The following KIAA1549L variants were observed in gnomAD, a reference collection of about 807,000 sequenced individuals.
The protein encoded by KIAA1549L is KIAA1549 like.
In KIAA1549L, 88 loss-of-function variants were observed where a neutral mutation model predicts 160.7. The observed-to-expected ratio is 0.55, with a 90% confidence interval of 0.46 to 0.65. The LOEUF is 0.65. Among genes scored for constraint, KIAA1549L ranks in the 30% least tolerant of loss-of-function variants. KIAA1549L has a pLI of 0.00. For synonymous variants in KIAA1549L, 950 were observed against 976.7 expected (o/e 0.97, Z 0.51); for missense variants, 2,258 against 2,437.5 (o/e 0.93, Z 1.55).
rs187735573 is a variant in KIAA1549L at position 33,492,235 on chromosome 11, G to A, written c.239-49567G>A. On this transcript the variant is annotated intron_variant, in intron 1 of 20. Coordinates refer to ENST00000658780, the MANE Select transcript of KIAA1549L (RefSeq NM_012194.3). ...ATACAAAAATTAGCTGGGCATGGTT[G>A]TGTGTGTCTGTAATCCCGGCCACTG... Among the ~76,000 whole-genome samples the A allele has an allele frequency of 9.2e-5, 14 of 152,316 alleles. 1 individual carries two copies. Among genetic ancestry groups the A allele is most frequent in the African/African-American group, 2.6e-4 (11 of 41,576 alleles).
intron 1 of KIAA1549L, among the ~76,000 whole-genome samples, chr11:33,429,215 G>A (rs573680654): frequency 2.0e-5 from 3 of 152,190 alleles, no homozygotes; most frequent in African/African-American, 4.8e-5. Flanking sequence ...CAAGTGATCC[G>A]CCCACCTCGG....
intron 1 of KIAA1549L, among the ~76,000 whole-genome samples, chr11:33,533,138 C>T (rs1022374826): frequency 1.3e-5 from 2 of 152,212 alleles, no homozygotes; most frequent in South Asian, 2.1e-4. Flanking sequence ...GAAGGGGAGC[C>T]AGATCAGTAC....
chr11:33,479,483 T>C (rs1385409161), intron 1 of KIAA1549L, among the ~76,000 whole-genome samples: 1 of 152,204 alleles, frequency 6.6e-6, no homozygotes, highest in Non-Finnish European at 1.5e-5. Context: ...GCAGGAGGTC[T>C]GGGCTGCACA....
chr11:33,636,349 CT>C (rs71034697), intron 16 of KIAA1549L, among the ~76,000 whole-genome samples: 92 of 136,096 alleles, frequency 6.8e-4, no homozygotes, highest in Middle Eastern at 3.7e-3. Flanking sequence ...AATGAATCTT[CT>C]TTTTTTTTTT....
At chr11:33,377,076 A>G (rs1006737936) in intron 1 of KIAA1549L, among the ~76,000 whole-genome samples, 187 bp downstream of exon 1, 2 of 152,194 alleles carry the variant, frequency 1.3e-5, no homozygotes, top group Non-Finnish European at 2.9e-5. Context: ...AGAAAAAAAA[A>G]GGAGCAATCG....
In KIAA1549L at chr11:33,551,271, G is replaced by T; in HGVS notation, c.3721+12G>T. 4 of 1,606,234 alleles carry T rather than the reference G, an allele frequency of 2.5e-6. No individual in the cohort carries two copies. Among genetic ancestry groups the T allele is most frequent in the Non-Finnish European group, 3.4e-6 (4 of 1,175,374 alleles). On this transcript the variant is annotated intron_variant, in intron 5 of 20. Transcript: ENST00000658780. ...CCAGCTAAAAACAGGCAAGTGACTCGGAAGGAAGGGATTTTCATCCATTCT... is the reference window on the plus strand; with the variant it reads ...CCAGCTAAAAACAGGCAAGTGACTCTGAAGGAAGGGATTTTCATCCATTCT...
intron 1 of KIAA1549L, among the ~76,000 whole-genome samples, chr11:33,469,247 C>T (rs1427719943): frequency 6.6e-6 from 1 of 151,976 alleles, no homozygotes; most frequent in African/African-American, 2.4e-5. Flanking sequence ...GTGGATTGGC[C>T]CATTCTGGAC....
At chr11:33,578,670 AC>A (rs1254218237) in intron 10 of KIAA1549L, among the ~76,000 whole-genome samples, 1 of 152,206 alleles carries the variant, frequency 6.6e-6, no homozygotes, top group East Asian at 1.9e-4. Context: ...TCAGGACTGC[AC>A]AGCTTGGTCT....
chr11:33,510,069 A>G (rs557600699), intron 1 of KIAA1549L, among the ~76,000 whole-genome samples: 101 of 152,298 alleles, frequency 6.6e-4, no homozygotes, highest in Non-Finnish European at 1.0e-3. Flanking sequence ...AGAAGCTGCC[A>G]AGGGAGCCTT....
chr11:33,533,154 C>G (rs1853814262), intron 1 of KIAA1549L, among the ~76,000 whole-genome samples: 1 of 152,130 alleles, frequency 6.6e-6, no homozygotes, highest in Admixed American at 6.5e-5. Flanking sequence ...AGTACATGTG[C>G]ACTTCCTTGA....
chr11:33,493,141 C>T (rs1852731006), intron 1 of KIAA1549L, among the ~76,000 whole-genome samples: 1 of 152,006 alleles, frequency 6.6e-6, no homozygotes, highest in South Asian at 2.1e-4. Context: ...TGAGCTGCAG[C>T]TGGGGTGATG....
chr11:33,423,350 T>C (rs1851057349), intron 1 of KIAA1549L, among the ~76,000 whole-genome samples: 1 of 152,256 alleles, frequency 6.6e-6, no homozygotes, highest in Non-Finnish European at 1.5e-5. Flanking sequence ...AAATCATTTA[T>C]ATTTTATGAA....
intron 12 of KIAA1549L, among the ~76,000 whole-genome samples, 157 bp from the exon 13 acceptor site, chr11:33,598,663 G>A (rs942017015): frequency 6.6e-6 from 1 of 152,198 alleles, no homozygotes; most frequent in Non-Finnish European, 1.5e-5. Flanking sequence ...TGTAGTGTGG[G>A]TGGTTTTGTT....
intron 1 of KIAA1549L, among the ~76,000 whole-genome samples, chr11:33,386,061 G>A (rs7929265): frequency 0.017 from 2,618 of 152,196 alleles, 98 homozygotes; most frequent in African/African-American, 0.06. Context: ...AAATCTGTAA[G>A]GCTTTTATTT....
Position 33,667,974 on chromosome 11 carries a change from C to T in KIAA1549L, c.6261C>T (p.His2087=), listed in dbSNP as rs920321336. The change falls in exon 21 of 21, where the codon CAC becomes CAT. Residue 2087 remains histidine (H), a synonymous_variant. Transcript: ENST00000658780. The part of the protein sequence containing the change: ...PRQYSQPANL[H]PSLEQAPAPS... ...AGTACAGCCAGCCAGCCAACCTGCA[C>T]CCCAGCCTGGAGCAGGCCCCGGCGC... The T allele has an allele frequency of 1.2e-6, 2 of 1,613,972 alleles. No individual in the cohort carries two copies. Among genetic ancestry groups the T allele is most frequent in the South Asian group, 1.1e-5 (1 of 91,076 alleles).
chr11:33,627,254 G>A (rs1290037600), intron 16 of KIAA1549L, among the ~76,000 whole-genome samples: 1 of 148,754 alleles, frequency 6.7e-6, no homozygotes, highest in Non-Finnish European at 1.5e-5. Context: ...GTTGGTATCA[G>A]GATGATGCTG....
At position 33,479,641 on chromosome 11, in the gene KIAA1549L, T is replaced by C. The variant is rs185206980; in HGVS notation, c.239-62161T>C. ...GAATAAGAGAAGGCTTTCTGTTATATTGGAATTAAAGAGACAGAGCTTGTG... is the reference window on the plus strand; with the variant it reads ...GAATAAGAGAAGGCTTTCTGTTATACTGGAATTAAAGAGACAGAGCTTGTG... On this transcript the variant is annotated intron_variant, in intron 1 of 20. Coordinates refer to ENST00000658780, the MANE Select transcript of KIAA1549L (RefSeq NM_012194.3). 1.3e-3 allele frequency among the ~76,000 whole-genome samples: 193 copies of C among 152,270 alleles called. 2 individuals carry two copies. Among genetic ancestry groups the C allele is most frequent in the Non-Finnish European group, 5.0e-4 (34 of 68,020 alleles).
chr11:33,473,174 A>G (rs1852215566), intron 1 of KIAA1549L, among the ~76,000 whole-genome samples: 1 of 152,194 alleles, frequency 6.6e-6, no homozygotes, highest in Non-Finnish European at 1.5e-5. Flanking sequence ...TCAAATAGTT[A>G]TTGAATGGCT....
intron 4 of KIAA1549L, 32 bp from the exon 5 acceptor site, chr11:33,551,004 TAAAC>T (rs777925987): frequency 7.1e-6 from 11 of 1,557,716 alleles, no homozygotes; most frequent in Non-Finnish European, 9.7e-6. Flanking sequence ...GCTGTGGAAA[TAAAC>T]AATGGGTTTT....
Sources: allele counts gnomAD v4.1 joint callset (sites outside exome capture counted in the v4.1 genomes callset), GRCh38; gene constraint gnomAD v4.1.1; transcripts MANE v1.5; gene names NCBI Gene and HGNC (gene_info 2026-07-23, HGNC 2026-07-21).